Variants in TGIF2 observed in about 807,000 individuals in gnomAD.
TGIF2 encodes the protein homeobox protein TGIF2.
In TGIF2, 5 loss-of-function variants were observed where a neutral mutation model predicts 15.1. The ratio of observed to expected loss-of-function variants is 0.33; its 90% CI spans 0.17 to 0.70. The LOEUF is 0.70. Among genes scored for constraint, TGIF2 ranks in the 30% least tolerant of loss-of-function variants. TGIF2 has a pLI of 0.67. For synonymous variants in TGIF2, 131 were observed against 128.9 expected, an observed-to-expected ratio of 1.02 and a Z score of -0.11; for missense variants, 264 against 302.5, an observed-to-expected ratio of 0.87 and a Z score of 0.94.
chr20:36,579,418 G>A (rs1311581288), intron 2 of TGIF2, among the ~76,000 whole-genome samples: 9 of 151,992 alleles, frequency 5.9e-5, no homozygotes, highest in Admixed American at 3.3e-4. Flanking sequence ...TGATTCACCC[G>A]CCTCAGCCTC....
chr20:36,577,004 AT>A (rs112821778), intron 1 of TGIF2, among the ~76,000 whole-genome samples: 9 of 148,140 alleles, frequency 6.1e-5, no homozygotes, highest in South Asian at 2.1e-4. Flanking sequence ...AGCACGTGGC[AT>A]TTTTTTTTTA....
At chr20:36,582,033 C>T (rs1055407528) in intron 2 of TGIF2, among the ~76,000 whole-genome samples, 1 of 152,050 alleles carries the variant, frequency 6.6e-6, no homozygotes, top group Non-Finnish European at 1.5e-5. Flanking sequence ...GTCAGGAGTT[C>T]AAGACCAGCC....
At chr20:36,583,702 G>A (rs1179233530) in intron 2 of TGIF2, among the ~76,000 whole-genome samples, 14 of 152,114 alleles carry the variant, frequency 9.2e-5, no homozygotes, top group Admixed American at 8.5e-4. Flanking sequence ...TTTGAGGCCA[G>A]CCTGGCCAAC....
chr20:36,583,134 G>A (rs535520743), intron 2 of TGIF2, among the ~76,000 whole-genome samples: 1 of 151,910 alleles, frequency 6.6e-6, no homozygotes, highest in Non-Finnish European at 1.5e-5. Flanking sequence ...TACAAAAATA[G>A]CCGGGCATGG....
chr20:36,576,930 A>G (rs551508125), intron 1 of TGIF2, among the ~76,000 whole-genome samples: 7 of 152,080 alleles, frequency 4.6e-5, no homozygotes, highest in Admixed American at 3.3e-4. Flanking sequence ...GTCTTGAACT[A>G]CTGAGCTCAA....
At chr20:36,579,112 A>C in intron 2 of TGIF2, 146 bp downstream of exon 2, 1 of 1,078,740 alleles carries the variant, frequency 9.3e-7, no homozygotes, top group Non-Finnish European at 1.3e-6. Context: ...GAGAACACCC[A>C]CTCTCCCTGT....
chr20:36,583,595 A>C (rs1311154858), intron 2 of TGIF2, among the ~76,000 whole-genome samples: 1 of 151,764 alleles, frequency 6.6e-6, no homozygotes, highest in Non-Finnish European at 1.5e-5. Flanking sequence ...ACCTTGTCCT[A>C]CTAAAAATAA....
At chr20:36,586,842 AAAATG>A (rs1569532619) in intron 2 of TGIF2, among the ~76,000 whole-genome samples, 1 of 152,136 alleles carries the variant, frequency 6.6e-6, no homozygotes. Context: ...CCTTGACACA[AAAATG>A]AGAGGGTTTC....
intron 2 of TGIF2, among the ~76,000 whole-genome samples, chr20:36,585,516 TCAAC>T (rs962446601): frequency 7.1e-6 from 1 of 140,252 alleles, no homozygotes; most frequent in African/African-American, 2.6e-5. Flanking sequence ...AATATAATAA[TCAAC>T]CACCAGCACC....
intron 2 of TGIF2, among the ~76,000 whole-genome samples, chr20:36,582,319 C>T (rs2038563180): frequency 6.6e-6 from 1 of 152,096 alleles, no homozygotes; most frequent in Non-Finnish European, 1.5e-5. Context: ...TATCATATCA[C>T]TTAGGTAAAA....
Position 36,590,014 on chromosome 20 carries a change from G to A in TGIF2, c.193-896G>A, listed in dbSNP as rs1248444505. 2.6e-5 allele frequency among the ~76,000 whole-genome samples: 4 copies of A among 152,158 alleles called. No homozygotes were observed. The South Asian group carries it at 8.3e-4, about 31-fold the overall frequency. On this transcript the variant is annotated intron_variant, in intron 2 of 2. Transcript: ENST00000373872. ...TGACTCTCCAGGCTGGAGTGCACTG[G>A]CATTATCACGGCTCACTGCAGTCTC...
At chr20:36,586,701 C>CT (rs1174866658) in intron 2 of TGIF2, among the ~76,000 whole-genome samples, 2 of 148,096 alleles carry the variant, frequency 1.4e-5, no homozygotes, top group Non-Finnish European at 3.0e-5. Context: ...TTTCCCCCCC[C>CT]CCAAAAAAAA....
In TGIF2 at chr20:36,592,485, G is replaced by A. The variant is rs906044119; in HGVS notation, c.*1054G>A. 1 of 152,358 alleles carries A rather than the reference G, an allele frequency of 6.6e-6. No individual in the cohort carries two copies. Among genetic ancestry groups the A allele is most frequent in the Non-Finnish European group, 1.5e-5 (1 of 68,012 alleles). 9.4% of individuals were successfully genotyped at this position (152,358 alleles called of 1,614,324 possible). A position where few individuals can be genotyped will look rare whatever the true frequency, so the allele number is the denominator to read the frequency against. ...AATTCTTTTAGCAACTTGGATTAGA[G>A]GGGCCCATATGTCAGAAGCTCCCAG... On this transcript the variant is annotated 3_prime_UTR_variant, in exon 3 of 3. Coordinates refer to ENST00000373872, the MANE Select transcript of TGIF2 (RefSeq NM_021809.7).
chr20:36,586,699 C>CA (rs923702016), intron 2 of TGIF2, among the ~76,000 whole-genome samples: 4 of 146,442 alleles, frequency 2.7e-5, no homozygotes, highest in Non-Finnish European at 4.5e-5. Flanking sequence ...CATTTCCCCC[C>CA]CCCCAAAAAA....
chr20:36,577,049 G>A (rs1290050233), intron 1 of TGIF2, among the ~76,000 whole-genome samples: 1 of 151,776 alleles, frequency 6.6e-6, no homozygotes, highest in Non-Finnish European at 1.5e-5. Context: ...TTTTAATTAT[G>A]TCGTCCAGGT....
At chr20:36,583,429 G>A (rs1600775030) in intron 2 of TGIF2, among the ~76,000 whole-genome samples, 2 of 149,928 alleles carry the variant, frequency 1.3e-5, no homozygotes, top group South Asian at 2.1e-4. Context: ...CTGCCCTCCA[G>A]CCTAGGTGAC....
chr20:36,584,528 A>AT (rs910725000), intron 2 of TGIF2, among the ~76,000 whole-genome samples: 5 of 151,762 alleles, frequency 3.3e-5, no homozygotes, highest in African/African-American at 9.7e-5. Flanking sequence ...TGGGAGCATC[A>AT]TTTTTTCCTG....
At chr20:36,574,295 GCGGGGCGCGTGGGGCCGGCGCCC>G (rs1396134911) in intron 1 of TGIF2, among the ~76,000 whole-genome samples, 1 of 152,030 alleles carries the variant, frequency 6.6e-6, no homozygotes, top group African/African-American at 2.4e-5. Flanking sequence ...GGCCAAGGAA[GCGGGGCGCGTGGGGCCGGCGCCC>G]CGGAGAAAGT....
At position 36,587,272 on chromosome 20, in the gene TGIF2, G is replaced by C. The variant is rs12479531; in HGVS notation, c.193-3638G>C. 2.1e-3 allele frequency among the ~76,000 whole-genome samples: 313 copies of C among 152,346 alleles called. 1 individual carries two copies. The highest frequency in any genetic ancestry group is 0.02 in the Middle Eastern group (6 of 294). ...CTAGGCTGCCAAGTGATCTGGACAG[G>C]ACAGTCTTGTGGGGGAGTGTGTGGA... On this transcript the variant is annotated intron_variant, in intron 2 of 2. Coordinates refer to ENST00000373872, the MANE Select transcript of TGIF2 (RefSeq NM_021809.7).
Sources: gnomAD v4.1 joint callset for allele counts (sites outside exome capture counted in the v4.1 genomes callset) on GRCh38, gnomAD v4.1.1 for gene constraint, MANE v1.5 for transcripts, NCBI Gene and HGNC (gene_info 2026-07-23, HGNC 2026-07-21) for gene names.